Variants in SUCLG1 observed in about 807,000 individuals in gnomAD.
SUCLG1 encodes succinate--CoA ligase [ADP/GDP-forming] subunit alpha, mitochondrial.
SUCLG1 carries 26 observed loss-of-function variants against 37.3 expected under a neutral mutation model. That is an observed-to-expected ratio of 0.70 (90% CI 0.51 to 0.97). SUCLG1 has a LOEUF of 0.97. Ranked by LOEUF, SUCLG1 falls within the 50% of genes least tolerant of loss-of-function variation. The probability of loss-of-function intolerance (pLI) is 0.00; values close to 1 mark genes in which losing one functional copy is unlikely to be tolerated. For synonymous variants in SUCLG1, 163 were observed against 155.6 expected, an observed-to-expected ratio of 1.05 and a Z score of -0.36; for missense variants, 433 against 432.9, an observed-to-expected ratio of 1.00 and a Z score of 0.00.
chr2:84,459,171 AC>A lies in SUCLG1; in HGVS notation c.97+1del, dbSNP rs1374156011. On this transcript the variant is annotated splice_donor_variant, in intron 1 of 8. Coordinates refer to ENST00000393868, the MANE Select transcript of SUCLG1 (RefSeq NM_003849.4). LOFTEE classifies it high-confidence loss of function. Reference sequence around the variant, plus strand: ...CAGGAAGACAGTACTGGCTGGACTCACGGAGGAAGCTGCGCGACAGGAGACG... The same window carrying A: ...CAGGAAGACAGTACTGGCTGGACTCAGGAGGAAGCTGCGCGACAGGAGACG... 2 of 1,549,174 alleles carry A rather than the reference AC, an allele frequency of 1.3e-6. No individual in the cohort carries two copies. Among genetic ancestry groups the A allele is most frequent in the Admixed American group, 3.9e-5 (2 of 50,960 alleles).
At chr2:84,429,686 A>T (rs752276849) in intron 7 of SUCLG1, among the ~76,000 whole-genome samples, 12 of 152,228 alleles carry the variant, frequency 7.9e-5, no homozygotes, top group Admixed American at 2.6e-4. Flanking sequence ...AAGGACTGGA[A>T]TACCATGCTA....
Position 84,441,056 on chromosome 2 carries a change from C to CT in SUCLG1, c.579dup (p.Gly194ArgfsTer15). 6.2e-7 allele frequency: 1 copy of CT among 1,614,034 alleles called. No homozygotes were observed. Among genetic ancestry groups the CT allele is most frequent in the Non-Finnish European group, 8.5e-7 (1 of 1,179,988 alleles). ...TAACAAACAAACTCACCAATCCTTCCTTTTTTGTGAATATGGCCAGGCATG... is the reference window on the plus strand; with the variant it reads ...TAACAAACAAACTCACCAATCCTTCCTTTTTTTGTGAATATGGCCAGGCATG... On this transcript the variant is annotated frameshift_variant, in exon 5 of 9. Transcript: ENST00000393868. LOFTEE classifies it high-confidence loss of function.
At chr2:84,440,495 T>TA (rs1672752039) in intron 5 of SUCLG1, among the ~76,000 whole-genome samples, 1 of 152,244 alleles carries the variant, frequency 6.6e-6, no homozygotes, top group East Asian at 1.9e-4. Flanking sequence ...GGCAGTTTCT[T>TA]ATAAAGTTAA....
chr2:84,455,214 A>G (rs1672998943), intron 1 of SUCLG1, among the ~76,000 whole-genome samples: 1 of 152,194 alleles, frequency 6.6e-6, no homozygotes, highest in Non-Finnish European at 1.5e-5. Context: ...ATAAAACACC[A>G]TTGATTTTTA....
At chr2:84,453,383 T>C (rs1381761066) in intron 1 of SUCLG1, among the ~76,000 whole-genome samples, 1 of 151,762 alleles carries the variant, frequency 6.6e-6, no homozygotes, top group African/African-American at 2.4e-5. Context: ...TATGATGAGA[T>C]GCCTAGCTTT....
intron 1 of SUCLG1, among the ~76,000 whole-genome samples, chr2:84,452,837 C>A (rs1232913886): frequency 6.6e-6 from 1 of 152,078 alleles, no homozygotes; most frequent in African/African-American, 2.4e-5. Context: ...TCACTGAATT[C>A]CAGGACAAGA....
At chr2:84,441,547 T>C (rs746071977) in intron 3 of SUCLG1, 88 bp from the exon 4 acceptor site, 37 of 1,430,416 alleles carry the variant, frequency 2.6e-5, no homozygotes, top group Non-Finnish European at 3.3e-5. Flanking sequence ...AATAATGTCT[T>C]GGGGTAAGAA....
intron 5 of SUCLG1, among the ~76,000 whole-genome samples, chr2:84,439,469 G>A (rs1303055969): frequency 1.3e-5 from 2 of 152,166 alleles, no homozygotes. Flanking sequence ...AAGAGCATCA[G>A]TGATACATGG....
intron 1 of SUCLG1, 130 bp downstream of exon 1, chr2:84,459,043 A>G: frequency 1.1e-6 from 1 of 926,394 alleles, no homozygotes; most frequent in Non-Finnish European, 1.6e-6. Context: ...CGAAGCCGGA[A>G]TCCCAAGCGG....
In SUCLG1 at chr2:84,453,979, C is replaced by A. The variant is rs1406354673; in HGVS notation, c.98-4227G>T. Among the ~76,000 whole-genome samples the A allele has an allele frequency of 3.3e-5, 5 of 152,180 alleles. No individual in the cohort carries two copies. In the South Asian group the frequency reaches 1.0e-3, roughly 31 times the overall value. On this transcript the variant is annotated intron_variant, in intron 1 of 8. Transcript: ENST00000393868. The stretch of plus-strand genomic sequence containing the variant: ...ACCCAGAGCATACCTTTTGATCTCC[C>A]TTAGCCTTAGTCTTCCCATCTAGAA...
At chr2:84,427,928 T>C (rs715788) in intron 7 of SUCLG1, among the ~76,000 whole-genome samples, 123,162 of 152,174 alleles carry the variant, frequency 0.81, 52,660 homozygotes, top group Non-Finnish European at 0.93. Context: ...GGCTTTTTTT[T>C]TCTTTGCACT....
intron 5 of SUCLG1, among the ~76,000 whole-genome samples, chr2:84,439,123 C>T (rs1173184860): frequency 1.3e-5 from 2 of 151,100 alleles, no homozygotes; most frequent in African/African-American, 4.9e-5. Flanking sequence ...TTGAAGTCAG[C>T]GAGACCAAGA....
chr2:84,441,924 T>C (rs546912155), intron 3 of SUCLG1, among the ~76,000 whole-genome samples: 1 of 152,192 alleles, frequency 6.6e-6, no homozygotes, highest in East Asian at 1.9e-4. Context: ...CATTACATAG[T>C]TTTCTACCTC....
intron 5 of SUCLG1, among the ~76,000 whole-genome samples, chr2:84,434,796 G>A (rs1672661607): frequency 6.6e-6 from 1 of 152,184 alleles, no homozygotes; most frequent in Non-Finnish European, 1.5e-5. Flanking sequence ...AAAGTGCTAT[G>A]TCACCATTAT....
At position 84,459,165 on chromosome 2, in the gene SUCLG1, G is replaced by A; in HGVS notation, c.97+8C>T. On this transcript the variant is annotated splice_region_variant and intron_variant, in intron 1 of 8. Coordinates refer to ENST00000393868, the MANE Select transcript of SUCLG1 (RefSeq NM_003849.4). ...GGGCGCCAGGAAGACAGTACTGGCT[G>A]GACTCACGGAGGAAGCTGCGCGACA... 1 of 1,548,982 alleles carries A rather than the reference G, an allele frequency of 6.5e-7. No homozygotes were observed. The highest frequency in any genetic ancestry group is 8.7e-7 in the Non-Finnish European group (1 of 1,145,950).
chr2:84,449,534 C>T (rs984281989), intron 2 of SUCLG1, 115 bp downstream of exon 2: 2 of 706,836 alleles, frequency 2.8e-6, no homozygotes, highest in Non-Finnish European at 2.4e-6. Flanking sequence ...CATTGCTGTA[C>T]AGTATATTTT....
At chr2:84,428,503 A>G (rs1672568868) in intron 7 of SUCLG1, among the ~76,000 whole-genome samples, 1 of 152,214 alleles carries the variant, frequency 6.6e-6, no homozygotes, top group South Asian at 2.1e-4. Context: ...AGAATATGAG[A>G]ATCTCATGTT....
At chr2:84,435,746 C>A (rs973566610) in intron 5 of SUCLG1, among the ~76,000 whole-genome samples, 1 of 152,278 alleles carries the variant, frequency 6.6e-6, no homozygotes, top group African/African-American at 2.4e-5. Flanking sequence ...CCCTCTCATG[C>A]CCCCCTCATG....
chr2:84,443,779 A>C (rs1672808515), intron 2 of SUCLG1, among the ~76,000 whole-genome samples: 1 of 150,578 alleles, frequency 6.6e-6, no homozygotes, highest in Admixed American at 6.6e-5. Context: ...GGTCAAATCC[A>C]ATTTTTCCCC....
Sources: allele counts gnomAD v4.1 joint callset (sites outside exome capture counted in the v4.1 genomes callset), GRCh38; gene constraint gnomAD v4.1.1; transcripts MANE v1.5; gene names NCBI Gene and HGNC (gene_info 2026-07-23, HGNC 2026-07-21).